Variants in FIRRM observed in about 807,000 individuals in gnomAD.
FIRRM encodes the protein FIGNL1-interacting regulator of recombination and mitosis.
the FIRRM span, chr1:169,852,017 T>A: frequency 6.3e-7 from 1 of 1,592,670 alleles, no homozygotes; most frequent in Non-Finnish European, 8.6e-7. Flanking sequence ...CAAACCAGTG[T>A]GGTTTCCAGC....
chr1:169,790,343 C>G, the FIRRM span, among the ~76,000 whole-genome samples: 1 of 152,054 alleles, frequency 6.6e-6, no homozygotes, highest in African/African-American at 2.4e-5. Context: ...TGCACCACCA[C>G]GCCCACCTAA....
At chr1:169,830,802 A>G in the FIRRM span, 1 of 1,441,916 alleles carries the variant, frequency 6.9e-7, no homozygotes, top group Non-Finnish European at 9.8e-7. Flanking sequence ...TCCTTTGGGG[A>G]TATGATAATC....
At chr1:169,853,227 G>A in the FIRRM span, 1 of 498,294 alleles carries the variant, frequency 2.0e-6, no homozygotes, top group South Asian at 3.0e-5. Flanking sequence ...TACTCAGATA[G>A]TCTAACTGTA....
chr1:169,813,021 C>G, the FIRRM span, among the ~76,000 whole-genome samples: 1 of 152,176 alleles, frequency 6.6e-6, no homozygotes, highest in East Asian at 1.9e-4. Flanking sequence ...GAAGATTTTG[C>G]TATATTGGAA....
the FIRRM span, among the ~76,000 whole-genome samples, chr1:169,805,208 A>T: frequency 6.6e-6 from 1 of 152,160 alleles, no homozygotes; most frequent in East Asian, 1.9e-4. Context: ...TTTATTCATG[A>T]TTCTGTGAGT....
chr1:169,811,732 GATAATA>G, the FIRRM span, among the ~76,000 whole-genome samples: 3 of 150,058 alleles, frequency 2.0e-5, no homozygotes, highest in African/African-American at 7.4e-5. Context: ...TATCTAAATA[GATAATA>G]GACAGATTAT....
chr1:169,852,907 C>G, the FIRRM span: 1 of 1,614,074 alleles, frequency 6.2e-7, no homozygotes, highest in Non-Finnish European at 8.5e-7. Flanking sequence ...GGGTCCTGCT[C>G]CAGCCTGGCT....
At chr1:169,847,886 C>T in the FIRRM span, 1 of 952,256 alleles carries the variant, frequency 1.1e-6, no homozygotes, top group Non-Finnish European at 1.5e-6. Context: ...TAGGCTTTTT[C>T]TGAAATTTTG....
At chr1:169,802,634 T>C in the FIRRM span, 3 of 1,607,740 alleles carry the variant, frequency 1.9e-6, no homozygotes, top group South Asian at 1.1e-5. Flanking sequence ...GTGAAATTAT[T>C]CGATGACATG....
the FIRRM span, among the ~76,000 whole-genome samples, chr1:169,803,692 T>C: frequency 6.6e-5 from 10 of 152,210 alleles, no homozygotes; most frequent in African/African-American, 2.2e-4. Context: ...AGTCCATCTC[T>C]ACATGCCAGA....
At chr1:169,795,301 A>C in the FIRRM span, 2 of 1,447,628 alleles carry the variant, frequency 1.4e-6, no homozygotes, top group African/African-American at 1.4e-5. Flanking sequence ...ACCCACCGCC[A>C]GGCTGGGTTA....
At chr1:169,821,107 TG>T in the FIRRM span, among the ~76,000 whole-genome samples, 5 of 152,218 alleles carry the variant, frequency 3.3e-5, no homozygotes, top group East Asian at 9.6e-4. Context: ...AGAAAGTGCT[TG>T]TTAACTTACT....
At chr1:169,793,351 A>T in the FIRRM span, 1 of 1,614,150 alleles carries the variant, frequency 6.2e-7, no homozygotes, top group African/African-American at 1.3e-5. Flanking sequence ...CTATGACTTT[A>T]TTTTCTAACA....
At chr1:169,812,140 G>C in the FIRRM span, among the ~76,000 whole-genome samples, 8 of 152,342 alleles carry the variant, frequency 5.3e-5, no homozygotes, top group East Asian at 1.3e-3. Flanking sequence ...GGTTTAATTA[G>C]TAGTATGCTA....
At chr1:169,822,628 G>A in the FIRRM span, among the ~76,000 whole-genome samples, 167 of 150,908 alleles carry the variant, frequency 1.1e-3, no homozygotes, top group Non-Finnish European at 1.8e-3. Flanking sequence ...GCCTCCCGAG[G>A]AGCTGAGACC....
At chr1:169,852,111 C>T in the FIRRM span, 1 of 757,450 alleles carries the variant, frequency 1.3e-6, no homozygotes, top group South Asian at 1.7e-5. Flanking sequence ...AGAAGTGGGA[C>T]TACACCATAT....
At chr1:169,820,629 G>T in the FIRRM span, among the ~76,000 whole-genome samples, 1 of 152,164 alleles carries the variant, frequency 6.6e-6, no homozygotes, top group East Asian at 1.9e-4. Flanking sequence ...TAAGAGGGGC[G>T]TTTAAACCCA....
At chr1:169,853,917 T>C in the FIRRM span, 2 of 864,420 alleles carry the variant, frequency 2.3e-6, no homozygotes, top group East Asian at 5.1e-5. Flanking sequence ...CTTAGAGCTC[T>C]AACAGAAAGT....
At chr1:169,847,333 AAAAAAAAGC>A in the FIRRM span, among the ~76,000 whole-genome samples, 1 of 151,580 alleles carries the variant, frequency 6.6e-6, no homozygotes, top group Admixed American at 6.6e-5. Flanking sequence ...AAAAAAAAAA[AAAAAAAAGC>A]AGTATCTTCA....
Sources: allele counts gnomAD v4.1 joint callset (sites outside exome capture counted in the v4.1 genomes callset), GRCh38; gene constraint gnomAD v4.1.1; transcripts MANE v1.5; gene names NCBI Gene and HGNC (gene_info 2026-07-23, HGNC 2026-07-21).